REPS1: variants seen among roughly 807,000 people sequenced by gnomAD.
The protein encoded by REPS1 is RALBP1 associated Eps domain containing 1.
In REPS1, 39 loss-of-function variants were observed where a neutral mutation model predicts 100.9. The ratio of observed to expected loss-of-function variants is 0.39; its 90% CI spans 0.30 to 0.50. REPS1 has a LOEUF of 0.50. Ranked by LOEUF, REPS1 falls within the 20% of genes least tolerant of loss-of-function variation. REPS1 has a pLI of 0.86. For missense variants in REPS1, 821 were observed against 968.5 expected (o/e 0.85, Z 2.02); for synonymous variants, 324 against 340.3 (o/e 0.95, Z 0.53).
chr6:138,977,248 T>G (rs983599105), intron 1 of REPS1, among the ~76,000 whole-genome samples: 2 of 152,236 alleles, frequency 1.3e-5, no homozygotes, highest in African/African-American at 4.8e-5. Flanking sequence ...ACCACTAATC[T>G]GCTATATCTC....
intron 18 of REPS1, among the ~76,000 whole-genome samples, chr6:138,908,453 C>A (rs1315811231): frequency 6.6e-6 from 1 of 152,070 alleles, no homozygotes; most frequent in Non-Finnish European, 1.5e-5. Flanking sequence ...TACCACCACA[C>A]CCGGCTAATT....
intron 18 of REPS1, among the ~76,000 whole-genome samples, chr6:138,907,947 G>GT (rs997380096): frequency 5.3e-5 from 8 of 152,028 alleles, no homozygotes; most frequent in South Asian, 2.1e-4. Context: ...TCATATTCTA[G>GT]TTTTTTGTTT....
intron 1 of REPS1, among the ~76,000 whole-genome samples, chr6:138,981,609 G>A (rs1239945341): frequency 1.3e-5 from 2 of 152,158 alleles, no homozygotes; most frequent in Non-Finnish European, 2.9e-5. Context: ...CAAGATAGTG[G>A]AGCAACTAAC....
chr6:138,921,066 T>C lies in REPS1; in HGVS notation c.1397A>G (p.Gln466Arg). The C allele has an allele frequency of 6.2e-7, 1 of 1,613,196 alleles. No individual in the cohort carries two copies. The highest frequency in any genetic ancestry group is 8.5e-7 in the Non-Finnish European group (1 of 1,179,452). Residue 466 changes from glutamine to arginine, a missense_variant, in exon 11 of 20, where the codon CAG becomes CGG. By Grantham distance (43) the Gln-to-Arg change is conservative. Transcript: ENST00000450536. ...GCCAGTTCTTTTAAGTTCCATTTCC[T>C]GCATGTGGATTTTGCTTGGAGTCAT... ...IRMTPSKIHM[Q>R]EMELKRTGSD...
At chr6:138,910,604 T>C (rs1582701632) in intron 17 of REPS1, among the ~76,000 whole-genome samples, 1 of 152,318 alleles carries the variant, frequency 6.6e-6, no homozygotes, top group East Asian at 1.9e-4. Flanking sequence ...TCCGCCTGCC[T>C]TGGACTCTCA....
At chr6:138,956,444 A>G (rs1175339119) in intron 1 of REPS1, among the ~76,000 whole-genome samples, 5 of 151,936 alleles carry the variant, frequency 3.3e-5, no homozygotes, top group Admixed American at 3.3e-4. Context: ...CACAGTTACT[A>G]GCAACCAGAC....
At chr6:138,955,173 G>T (rs972310028) in intron 1 of REPS1, among the ~76,000 whole-genome samples, 2 of 152,038 alleles carry the variant, frequency 1.3e-5, no homozygotes, top group South Asian at 2.1e-4. Context: ...TAGTCCATCA[G>T]GTATGATGGC....
intron 16 of REPS1, among the ~76,000 whole-genome samples, chr6:138,911,841 G>A (rs1174824679): frequency 5.3e-5 from 8 of 151,920 alleles, no homozygotes; most frequent in Non-Finnish European, 1.2e-4. Context: ...GATGTGTGAG[G>A]GAGAGGAGGA....
rs1298186822 is a variant in REPS1 at position 138,912,818 on chromosome 6, T to C, written c.1918A>G (p.Asn640Asp). Residue 640 changes from asparagine to aspartate, a missense_variant, in exon 16 of 20, where the codon AAT becomes GAT. Asn to Asp is a conservative substitution (Grantham distance 23). Coordinates refer to ENST00000450536, the MANE Select transcript of REPS1 (RefSeq NM_001286611.2). ...TCATCATCTTGTTCGTCGTTTACATTTGATGCAGCAAATACTTCAAACTGA... is the reference window on the plus strand; with the variant it reads ...TCATCATCTTGTTCGTCGTTTACATCTGATGCAGCAAATACTTCAAACTGA... ...FSQFEVFAAS[N>D]VNDEQDDEAE... 2 of 1,614,052 alleles carry C rather than the reference T, an allele frequency of 1.2e-6. No homozygotes were observed. The highest frequency in any genetic ancestry group is 2.7e-5 in the African/African-American group (2 of 74,916).
intron 1 of REPS1, among the ~76,000 whole-genome samples, chr6:138,963,605 C>T (rs1783858885): frequency 6.6e-6 from 1 of 152,050 alleles, no homozygotes; most frequent in Non-Finnish European, 1.5e-5. Context: ...TTGCTTTGTC[C>T]AAGTGGTTTT....
intron 1 of REPS1, among the ~76,000 whole-genome samples, chr6:138,978,841 T>C (rs1055222979): frequency 1.3e-5 from 2 of 152,172 alleles, no homozygotes; most frequent in African/African-American, 2.4e-5. Context: ...TAAATCTATA[T>C]TCCTACTTGC....
intron 1 of REPS1, among the ~76,000 whole-genome samples, chr6:138,970,299 G>C (rs968374794): frequency 3.9e-5 from 6 of 151,962 alleles, no homozygotes; most frequent in Non-Finnish European, 8.8e-5. Context: ...AAAGAAGACA[G>C]TAGGAAGACA....
intron 2 of REPS1, 138 bp from the exon 3 acceptor site, chr6:138,945,835 C>CA: frequency 1.5e-6 from 1 of 661,078 alleles, no homozygotes; most frequent in Non-Finnish European, 2.4e-6. Context: ...TCTATCACCA[C>CA]AAAATTTGGA....
At chr6:138,913,941 T>C (rs1307820738) in intron 15 of REPS1, among the ~76,000 whole-genome samples, 3 of 152,244 alleles carry the variant, frequency 2.0e-5, no homozygotes, top group Non-Finnish European at 4.4e-5. Context: ...CCACTAAGGC[T>C]GTCCCAAAGC....
Position 138,926,395 on chromosome 6 carries a change from A to C in REPS1, c.1338+6T>G. The C allele has an allele frequency of 6.2e-7, 1 of 1,601,792 alleles. No homozygotes were observed. The highest frequency in any genetic ancestry group is 8.6e-7 in the Non-Finnish European group (1 of 1,169,586). On this transcript the variant is annotated splice_donor_region_variant and intron_variant, in intron 10 of 19. Transcript: ENST00000450536. ...CTCAAACAAGCAAGCTAAGTGATTG[A>C]CTTACAGGATCAGCTGGTGCAATGT...
chr6:138,973,733 T>G (rs528556686), intron 1 of REPS1, among the ~76,000 whole-genome samples: 3 of 152,086 alleles, frequency 2.0e-5, no homozygotes, highest in African/African-American at 7.2e-5. Flanking sequence ...GATAATAAAC[T>G]GTATCCACTT....
intron 8 of REPS1, among the ~76,000 whole-genome samples, chr6:138,930,413 C>G (rs1781417559): frequency 6.6e-6 from 1 of 152,082 alleles, no homozygotes; most frequent in Non-Finnish European, 1.5e-5. Context: ...AGATTTATAC[C>G]AGTTTCCCAA....
intron 8 of REPS1, among the ~76,000 whole-genome samples, chr6:138,930,731 A>C (rs900502288): frequency 6.6e-6 from 1 of 152,090 alleles, no homozygotes; most frequent in Non-Finnish European, 1.5e-5. Context: ...ACAAAAAAAC[A>C]GAACATACTT....
intron 1 of REPS1, among the ~76,000 whole-genome samples, chr6:138,953,605 C>A (rs1485642597): frequency 2.0e-5 from 3 of 151,216 alleles, no homozygotes; most frequent in African/African-American, 4.9e-5. Context: ...AACTGCTCAT[C>A]ACTATTAATC....
Sources: gnomAD v4.1 joint callset for allele counts (sites outside exome capture counted in the v4.1 genomes callset) on GRCh38, gnomAD v4.1.1 for gene constraint, MANE v1.5 for transcripts, NCBI Gene and HGNC (gene_info 2026-07-23, HGNC 2026-07-21) for gene names.